Variants in RFX2 observed in about 807,000 individuals in gnomAD.
The protein encoded by RFX2 is DNA-binding protein RFX2.
In RFX2, 20 loss-of-function variants were observed where a neutral mutation model predicts 87.8. The observed-to-expected ratio is 0.23, with a 90% confidence interval of 0.16 to 0.33. The LOEUF (loss-of-function observed/expected upper bound fraction) is 0.33. Ranked by LOEUF, RFX2 falls within the 10% of genes least tolerant of loss-of-function variation. The probability of loss-of-function intolerance (pLI) is 1.00; values close to 1 mark genes in which losing one functional copy is unlikely to be tolerated. For synonymous variants in RFX2, 397 were observed against 431.3 expected (o/e 0.92, Z 0.98); for missense variants, 767 against 1,012.3 (o/e 0.76, Z 3.29).
chr19:6,103,797 C>T (rs1446979623), intron 1 of RFX2, among the ~76,000 whole-genome samples: 1 of 152,006 alleles, frequency 6.6e-6, no homozygotes, highest in Non-Finnish European at 1.5e-5. Context: ...AGCATGAGGC[C>T]GACCACTCAG....
chr19:6,042,293 A>G (rs1413324160), intron 3 of RFX2, among the ~76,000 whole-genome samples, 170 bp from the exon 4 acceptor site: 1 of 152,256 alleles, frequency 6.6e-6, no homozygotes, highest in Non-Finnish European at 1.5e-5. Flanking sequence ...ACAGTAATGT[A>G]CAGACGACAT....
Position 6,026,224 on chromosome 19 carries a change from A to G in RFX2, c.536T>C (p.Ile179Thr). ...RSSPATLEMA[I>T]ENLQKSEGIT... ...TCCTTCGCTTTTTTGGAGGTTTTCA[A>G]TCGCCATTTCAAGCTAAAGAAAATG... The change falls in exon 6 of 18, where the codon ATT becomes ACT. Residue 179 changes from isoleucine (I) to threonine (T), a missense_variant. Around this residue, in one of 2 missense-constraint regions of RFX2, gnomAD observed 621 missense variants for 873.0 expected, o/e 0.71. Transcript: ENST00000303657. This position sits in a 1 kb window ranked among gnomAD's most constrained non-coding sequence, Gnocchi z 4.5. 1 of 1,613,824 alleles carries G rather than the reference A, an allele frequency of 6.2e-7. No individual in the cohort carries two copies. Among genetic ancestry groups the G allele is most frequent in the Non-Finnish European group, 8.5e-7 (1 of 1,179,890 alleles).
chr19:6,002,568 G>A lies in RFX2; in HGVS notation c.1650+153C>T, dbSNP rs1301250113. ...GAGTGGAGAGAGCTGGGGGCTGTGG[G>A]TGGGCTTTGGCCTGGGACCCGTGTC... On this transcript the variant is annotated intron_variant, in intron 14 of 17. Transcript: ENST00000303657. The surrounding 1 kb of genome is among the most constrained non-coding windows in gnomAD (Gnocchi z 6.7). 6.6e-6 allele frequency among the ~76,000 whole-genome samples: 1 copy of A among 152,232 alleles called. No homozygotes were observed. Among genetic ancestry groups the A allele is most frequent in the African/African-American group, 2.4e-5 (1 of 41,460 alleles).
intron 1 of RFX2, among the ~76,000 whole-genome samples, chr19:6,107,909 A>G (rs967400222): frequency 7.9e-5 from 12 of 152,232 alleles, no homozygotes; most frequent in African/African-American, 2.9e-4. Context: ...ATTTAAATAT[A>G]CATCACACAT....
In RFX2 at chr19:6,061,602, T is replaced by C. The variant is rs1474955652; in HGVS notation, c.-8-14098A>G. Among the ~76,000 whole-genome samples the C allele has an allele frequency of 2.6e-5, 4 of 152,264 alleles. No individual in the cohort carries two copies. The highest frequency in any genetic ancestry group is 9.6e-5 in the African/African-American group (4 of 41,468). Reference sequence around the variant, plus strand: ...TACTCCCGGCCCCGCCTCTGGATCTTACTGGGGAGTCGGCTGCAGCCGGGG... The same window carrying C: ...TACTCCCGGCCCCGCCTCTGGATCTCACTGGGGAGTCGGCTGCAGCCGGGG... On this transcript the variant is annotated intron_variant, in intron 1 of 17. Coordinates refer to ENST00000303657, the MANE Select transcript of RFX2 (RefSeq NM_000635.4). This position sits in a 1 kb window ranked among gnomAD's most constrained non-coding sequence, Gnocchi z 5.2.
intron 1 of RFX2, among the ~76,000 whole-genome samples, chr19:6,048,680 T>A (rs182925576): frequency 2.8e-4 from 42 of 152,344 alleles, no homozygotes; most frequent in Admixed American, 2.7e-3. Context: ...TACGTTTCTC[T>A]ATCACCCCCA....
At chr19:6,033,636 A>C (rs76075393) in intron 5 of RFX2, among the ~76,000 whole-genome samples, 3 of 150,306 alleles carry the variant, frequency 2.0e-5, no homozygotes, top group East Asian at 3.9e-4. Context: ...AAAAAAAAAA[A>C]CCCTATAAAA....
In RFX2 at chr19:6,042,054, T is replaced by C. The variant is rs1343706532; in HGVS notation, c.250A>G (p.Asn84Asp). Residue 84 changes from asparagine to aspartate, a missense_variant, in exon 4 of 18, where the codon AAT (asparagine) becomes GAT (aspartate). Physicochemically the swap from Asn to Asp is conservative, Grantham distance 23. Transcript: ENST00000303657. ...GGGAGAAGCACGCACATGGCTCCATTGGTGTAGACGGCGTCTCCCCCTTCC... is the reference window on the plus strand; with the variant it reads ...GGGAGAAGCACGCACATGGCTCCATCGGTGTAGACGGCGTCTCCCCCTTCC... ...YVEGGDAVYT[N>D]GAIRTAYTYN... 5 of 1,613,890 alleles carry C rather than the reference T, an allele frequency of 3.1e-6. No homozygotes were observed. In the South Asian group the frequency reaches 4.4e-5, roughly 14 times the overall value.
rs961316276 is a variant in RFX2 at position 6,007,611 on chromosome 19, C to T, written c.1247+79G>A. On this transcript the variant is annotated intron_variant, in intron 11 of 17. Coordinates refer to ENST00000303657, the MANE Select transcript of RFX2 (RefSeq NM_000635.4). This position sits in a 1 kb window ranked among gnomAD's most constrained non-coding sequence, Gnocchi z 8.2. ...CTGATTCTTGGAGAGCTGAGGCTTT[C>T]GTTTGTGGGTTACCTGTGGACGTCA... The T allele has an allele frequency of 2.2e-5, 18 of 810,862 alleles. No homozygotes were observed. The highest frequency in any genetic ancestry group is 4.3e-5 in the Admixed American group (2 of 46,722). 50.2% of individuals were successfully genotyped at this position (810,862 alleles called of 1,614,324 possible).
chr19:6,089,685 G>A (rs912328843), intron 1 of RFX2, among the ~76,000 whole-genome samples: 1 of 152,206 alleles, frequency 6.6e-6, no homozygotes, highest in African/African-American at 2.4e-5. Flanking sequence ...GAATCTGCCA[G>A]TGCCTTGATC....
intron 1 of RFX2, among the ~76,000 whole-genome samples, chr19:6,071,772 G>A (rs532273615): frequency 1.3e-5 from 2 of 152,274 alleles, no homozygotes; most frequent in South Asian, 4.2e-4. Context: ...TTAATTCTAA[G>A]AAGATACACT....
chr19:6,054,129 T>G (rs1315221397), intron 1 of RFX2, among the ~76,000 whole-genome samples: 1 of 152,044 alleles, frequency 6.6e-6, no homozygotes, highest in African/African-American at 2.4e-5. Context: ...ACAAACAACT[T>G]TAGCCCATAA....
intron 1 of RFX2, chr19:6,077,233 T>C (rs992638378): frequency 2.0e-5 from 3 of 152,352 alleles, no homozygotes; most frequent in Non-Finnish European, 2.9e-5. Flanking sequence ...TGCCTTCTCA[T>C]CTATGCCGCA....
At chr19:6,088,324 G>T (rs1281152385) in intron 1 of RFX2, among the ~76,000 whole-genome samples, 6 of 145,508 alleles carry the variant, frequency 4.1e-5, no homozygotes, top group Non-Finnish European at 8.9e-5. Flanking sequence ...CGATTCTCCT[G>T]CCTCAGCCTC....
chr19:6,025,700 T>C (rs1357004431), intron 6 of RFX2, among the ~76,000 whole-genome samples: 2 of 152,124 alleles, frequency 1.3e-5, no homozygotes, highest in African/African-American at 4.8e-5. Context: ...GGGTATTTTT[T>C]GCTGGATGTA....
intron 1 of RFX2, among the ~76,000 whole-genome samples, chr19:6,091,728 T>A (rs2087938334): frequency 6.6e-6 from 1 of 152,170 alleles, no homozygotes; most frequent in Non-Finnish European, 1.5e-5. Context: ...AGACTGTTTG[T>A]GAAAATCTCG....
Position 6,008,139 on chromosome 19 carries a change from C to T in RFX2, c.1101G>A (p.Lys367=). The T allele has an allele frequency of 6.4e-7, 1 of 1,553,898 alleles. No individual in the cohort carries two copies. The highest frequency in any genetic ancestry group is 8.7e-7 in the Non-Finnish European group (1 of 1,148,052). ...GCCGTCTGTACACCAGCTGCAGGGC[C>T]TTGACGTCGTGCAGTGTGACGCCGT... ...LQDGVTLHDV[K]ALQLVYRRHC... is the part of the protein sequence containing the mutation. The change falls in exon 10 of 18, where the codon AAG becomes AAA. Residue 367 remains lysine (K), a synonymous_variant. Coordinates refer to ENST00000303657, the MANE Select transcript of RFX2 (RefSeq NM_000635.4).
chr19:6,105,770 G>A (rs1353712618), intron 1 of RFX2, among the ~76,000 whole-genome samples: 1 of 152,110 alleles, frequency 6.6e-6, no homozygotes, highest in East Asian at 1.9e-4. Context: ...GATGGCTTGG[G>A]AGAGAGGAGT....
intron 12 of RFX2, among the ~76,000 whole-genome samples, chr19:6,005,664 G>T (rs1197403253): frequency 6.6e-6 from 1 of 152,210 alleles, no homozygotes; most frequent in Non-Finnish European, 1.5e-5. Flanking sequence ...CACAGGGTGG[G>T]GCGCTGGGGT....
Sources: allele counts gnomAD v4.1 joint callset (sites outside exome capture counted in the v4.1 genomes callset), GRCh38; gene constraint gnomAD v4.1.1; regional missense constraint gnomAD v4.1.1; non-coding constraint Gnocchi (gnomAD v3.1); transcripts MANE v1.5; gene names NCBI Gene and HGNC (gene_info 2026-07-23, HGNC 2026-07-21).